Variants in MAN2B2 observed in about 807,000 individuals in gnomAD.
The protein encoded by MAN2B2 is mannosidase alpha class 2B member 2.
Under a neutral mutation model 117.1 loss-of-function variants are expected in MAN2B2, and 106 were observed. The ratio of observed to expected loss-of-function variants is 0.90; its 90% CI spans 0.77 to 1.06. The LOEUF (loss-of-function observed/expected upper bound fraction) is 1.06, where lower values mean the gene tolerates loss of function less well. Ranked by LOEUF, MAN2B2 falls within the 50% of genes least tolerant of loss-of-function variation. The probability of loss-of-function intolerance (pLI) is 0.00; values close to 1 mark genes in which losing one functional copy is unlikely to be tolerated. For synonymous variants in MAN2B2, 544 were observed against 595.1 expected, an observed-to-expected ratio of 0.91 and a Z score of 1.25; for missense variants, 1,326 against 1,381.4, an observed-to-expected ratio of 0.96 and a Z score of 0.64.
intron 10 of MAN2B2, among the ~76,000 whole-genome samples, chr4:6,603,202 A>AC (rs1006405551): frequency 1.3e-5 from 2 of 152,152 alleles, no homozygotes; most frequent in African/African-American, 4.8e-5. Flanking sequence ...CCACCCAGAC[A>AC]CCCCACATGG....
At chr4:6,580,543 C>A (rs1377753001) in intron 3 of MAN2B2, among the ~76,000 whole-genome samples, 1 of 152,204 alleles carries the variant, frequency 6.6e-6, no homozygotes, top group East Asian at 1.9e-4. Flanking sequence ...CTGTTTCTCA[C>A]CTGTGCCATT....
chr4:6,621,781 TAGCGCCTAGCGAGAGTTCC>T lies in MAN2B2; in HGVS notation c.*500_*518del, dbSNP rs767710413. The T allele has an allele frequency of 1.3e-3, 191 of 152,788 alleles. No individual in the cohort carries two copies. Among genetic ancestry groups the T allele is most frequent in the Non-Finnish European group, 2.1e-3 (143 of 68,390 alleles). 9.5% of individuals were successfully genotyped at this position (152,788 alleles called of 1,614,324 possible). On this transcript the variant is annotated 3_prime_UTR_variant, in exon 19 of 19. Coordinates refer to ENST00000285599, the MANE Select transcript of MAN2B2 (RefSeq NM_015274.3). ...TGCCACAGGGCAGGAGAGGAAGTTG[TAGCGCCTAGCGAGAGTTCC>T]AGCCCCAGACGCCCACCTGTGCCTC...
chr4:6,618,099 C>G (rs1255165978), intron 17 of MAN2B2: 1 of 153,582 alleles, frequency 6.5e-6, no homozygotes, highest in Non-Finnish European at 1.4e-5. Flanking sequence ...ATCCACCTGC[C>G]TCGGCCTCGC....
intron 15 of MAN2B2, among the ~76,000 whole-genome samples, chr4:6,612,068 T>C (rs1478555335): frequency 6.6e-6 from 1 of 152,268 alleles, no homozygotes; most frequent in African/African-American, 2.4e-5. Context: ...TCTTTTCTTT[T>C]TCTACTCACC....
rs761823035 is a variant in MAN2B2, at chr4:6,609,982, T to C, written c.2191T>C (p.Ser731Pro). 3 of 1,613,974 alleles carry C rather than the reference T, an allele frequency of 1.9e-6. No individual in the cohort carries two copies. The highest frequency in any genetic ancestry group is 2.7e-5 in the African/African-American group (2 of 74,888). The change falls in exon 13 of 19, where the codon TCA (serine) becomes CCA (proline). Residue 731 changes from serine (S) to proline (P), a missense_variant. Coordinates refer to ENST00000285599, the MANE Select transcript of MAN2B2 (RefSeq NM_015274.3). ...CCTAAACAGCCAGCAGGTCATCTACTCAGACAACAACGGCTACCAGATGCA... is the reference window on the plus strand; with the variant it reads ...CCTAAACAGCCAGCAGGTCATCTACCCAGACAACAACGGCTACCAGATGCA... ...TNLNSQQVIYSDNNGYQMQRR... is the reference protein window; with the variant it reads ...TNLNSQQVIYPDNNGYQMQRR...
chr4:6,593,387 G>A (rs768620248), intron 6 of MAN2B2, 37 bp downstream of exon 6: 6 of 1,578,690 alleles, frequency 3.8e-6, no homozygotes, highest in Non-Finnish European at 5.2e-6. Flanking sequence ...CCTCAACACA[G>A]CCCAAGGAGC....
chr4:6,586,957 C>T (rs751124243), intron 3 of MAN2B2, 39 bp from the exon 4 acceptor site: 113 of 1,585,740 alleles, frequency 7.1e-5, no homozygotes, highest in South Asian at 9.3e-5. Flanking sequence ...GGCACAGGCC[C>T]GCCCTCCAGG....
chr4:6,590,477 G>C (rs983636999), intron 5 of MAN2B2, among the ~76,000 whole-genome samples: 1 of 152,120 alleles, frequency 6.6e-6, no homozygotes, highest in African/African-American at 2.4e-5. Context: ...TTCTGCTCTC[G>C]CCTCGCCTGT....
chr4:6,606,380 AG>A (rs1727547974), intron 11 of MAN2B2, among the ~76,000 whole-genome samples: 1 of 152,224 alleles, frequency 6.6e-6, no homozygotes, highest in East Asian at 1.9e-4. Context: ...GTGGCTGGCA[AG>A]GGGGGAGTTG....
intron 13 of MAN2B2, 67 bp from the exon 14 acceptor site, chr4:6,610,813 G>C: frequency 7.1e-7 from 1 of 1,408,682 alleles, no homozygotes; most frequent in Non-Finnish European, 1.0e-6. Context: ...GGGGTGGCCA[G>C]AGGGTGATGC....
chr4:6,593,950 G>T (rs147514925), intron 6 of MAN2B2, among the ~76,000 whole-genome samples: 3 of 152,248 alleles, frequency 2.0e-5, no homozygotes, highest in East Asian at 1.9e-4. Flanking sequence ...GCTAGGAAGG[G>T]GTGGAATTTG....
intron 4 of MAN2B2, among the ~76,000 whole-genome samples, chr4:6,588,366 C>A (rs1207052057): frequency 5.3e-5 from 8 of 152,160 alleles, no homozygotes; most frequent in Admixed American, 5.2e-4. Context: ...TCTGAGGACA[C>A]CCATCCTATT....
At chr4:6,619,633 C>T (rs1055306919) in intron 17 of MAN2B2, 2 of 330,260 alleles carry the variant, frequency 6.1e-6, no homozygotes, top group Non-Finnish European at 1.2e-5. Context: ...GAGAACTCCG[C>T]GGTGGGGTGG....
At chr4:6,602,211 T>C (rs1727362389) in intron 10 of MAN2B2, among the ~76,000 whole-genome samples, 1 of 152,248 alleles carries the variant, frequency 6.6e-6, no homozygotes, top group Admixed American at 6.5e-5. Context: ...GGTCACGCTA[T>C]GGGAGATAAG....
chr4:6,597,015 G>A (rs2108745504), intron 7 of MAN2B2, 98 bp from the exon 8 acceptor site: 1 of 1,238,436 alleles, frequency 8.1e-7, no homozygotes, highest in South Asian at 1.4e-5. Context: ...GGCAGAGGCT[G>A]CCTCTGCAGC....
intron 15 of MAN2B2, among the ~76,000 whole-genome samples, chr4:6,613,154 T>C (rs537721431): frequency 3.1e-4 from 47 of 152,290 alleles, no homozygotes; most frequent in African/African-American, 1.1e-3. Flanking sequence ...CCAATCAGCA[T>C]GGCCTGGGGT....
chr4:6,585,954 GTGTT>G (rs1270897520), intron 3 of MAN2B2, among the ~76,000 whole-genome samples: 1 of 152,174 alleles, frequency 6.6e-6, no homozygotes, highest in African/African-American at 2.4e-5. Context: ...CTGCTTCACT[GTGTT>G]TGTTAGAAGT....
rs368869649 is a variant in MAN2B2 at position 6,583,378 on chromosome 4, C to G, written c.392-3618C>G. 9.8e-3 allele frequency among the ~76,000 whole-genome samples: 1,495 copies of G among 152,026 alleles called. 19 individuals carry two copies. Among genetic ancestry groups the G allele is most frequent in the African/African-American group, 0.034 (1,415 of 41,538 alleles). ...GGAGGCTGGGGAATGTAGTCTCTGGCTGGGAGTCCATTTGCCCTGCTAAAA... is the reference window on the plus strand; with the variant it reads ...GGAGGCTGGGGAATGTAGTCTCTGGGTGGGAGTCCATTTGCCCTGCTAAAA... On this transcript the variant is annotated intron_variant, in intron 3 of 18. Coordinates refer to ENST00000285599, the MANE Select transcript of MAN2B2 (RefSeq NM_015274.3).
chr4:6,593,257 C>T lies in MAN2B2; in HGVS notation c.765C>T (p.Thr255=). Residue 255 remains threonine, a synonymous_variant, in exon 6 of 19, where the codon ACC becomes ACT. Transcript: ENST00000285599. ...ACCCCAACATGAGTGAGCCTGTCACCCCAGCCAACATCAACCTCTATGCCG... is the reference window on the plus strand; with the variant it reads ...ACCCCAACATGAGTGAGCCTGTCACTCCAGCCAACATCAACCTCTATGCCG... ...GVYPNMSEPV[T]PANINLYAEA... is the part of the protein sequence containing the mutation. 1.2e-6 allele frequency: 2 copies of T among 1,614,044 alleles called. No individual in the cohort carries two copies. Among genetic ancestry groups the T allele is most frequent in the Non-Finnish European group, 1.7e-6 (2 of 1,179,970 alleles).
Sources: gnomAD v4.1 joint callset for allele counts (sites outside exome capture counted in the v4.1 genomes callset) on GRCh38, gnomAD v4.1.1 for gene constraint, MANE v1.5 for transcripts, NCBI Gene and HGNC (gene_info 2026-07-23, HGNC 2026-07-21) for gene names.